Variants in DRC11 observed in about 807,000 individuals in gnomAD.
DRC11 encodes dynein regulatory complex subunit 11.
chr2:236,428,431 T>C, the DRC11 span, among the ~76,000 whole-genome samples: 6 of 152,210 alleles, frequency 3.9e-5, no homozygotes, highest in African/African-American at 1.4e-4. Context: ...TTGGTACATA[T>C]ATATTTGCAA....
At chr2:236,478,797 G>GT in the DRC11 span, among the ~76,000 whole-genome samples, 1 of 147,896 alleles carries the variant, frequency 6.8e-6, no homozygotes, top group Admixed American at 6.7e-5. This position sits in a 1 kb window ranked among gnomAD's most constrained non-coding sequence, Gnocchi z 5.9. Flanking sequence ...GCCTTTTTGG[G>GT]TTCTTTTTTT....
the DRC11 span, among the ~76,000 whole-genome samples, chr2:236,344,272 G>A: frequency 6.6e-6 from 1 of 152,186 alleles, no homozygotes; most frequent in Non-Finnish European, 1.5e-5. Context: ...CTTTAACTGA[G>A]CAGAGTTCTC....
chr2:236,409,193 C>G, the DRC11 span: 1 of 227,582 alleles, frequency 4.4e-6, no homozygotes, highest in Non-Finnish European at 8.5e-6. Flanking sequence ...TGCAGCCTTC[C>G]TCCCAGGCTC....
the DRC11 span, among the ~76,000 whole-genome samples, chr2:236,369,958 C>A: frequency 6.6e-6 from 1 of 152,148 alleles, no homozygotes; most frequent in Non-Finnish European, 1.5e-5. This position sits in a 1 kb window ranked among gnomAD's most constrained non-coding sequence, Gnocchi z 4.5. Flanking sequence ...AGCGGCTGCA[C>A]GACAGGTGGA....
chr2:236,465,902 A>G, the DRC11 span, among the ~76,000 whole-genome samples: 3 of 152,242 alleles, frequency 2.0e-5, no homozygotes, highest in Admixed American at 1.3e-4. The surrounding 1 kb of genome is among the most constrained non-coding windows in gnomAD (Gnocchi z 6.2). Flanking sequence ...AGTCCCTGAC[A>G]TAATGCTTTA....
the DRC11 span, among the ~76,000 whole-genome samples, chr2:236,355,991 C>G: frequency 6.6e-6 from 1 of 152,282 alleles, no homozygotes; most frequent in South Asian, 2.1e-4. Flanking sequence ...CACAGAGGAG[C>G]CGGGTGGATG....
At chr2:236,324,353 G>A in the DRC11 span, 1 of 262,388 alleles carries the variant, frequency 3.8e-6, no homozygotes, top group South Asian at 5.6e-5. This position sits in a 1 kb window ranked among gnomAD's most constrained non-coding sequence, Gnocchi z 5.7. Flanking sequence ...TAGTACTGAT[G>A]AGAGGAAGAG....
At chr2:236,331,082 A>G in the DRC11 span, among the ~76,000 whole-genome samples, 2 of 152,236 alleles carry the variant, frequency 1.3e-5, no homozygotes, top group Non-Finnish European at 1.5e-5. This position sits in a 1 kb window ranked among gnomAD's most constrained non-coding sequence, Gnocchi z 4.8. Context: ...CCAAATAAGT[A>G]TATGTGTCTA....
the DRC11 span, among the ~76,000 whole-genome samples, chr2:236,374,051 A>G: frequency 1.2e-4 from 18 of 152,128 alleles, no homozygotes; most frequent in South Asian, 3.7e-3. Context: ...AACCCCTCCT[A>G]GTTTCAGCTT....
the DRC11 span, among the ~76,000 whole-genome samples, chr2:236,417,794 G>T: frequency 3.3e-5 from 5 of 149,746 alleles, no homozygotes; most frequent in Admixed American, 1.3e-4. Flanking sequence ...TGTTCTCATT[G>T]TTCAACTCCC....
At chr2:236,496,920 ACCACAG>A in the DRC11 span, among the ~76,000 whole-genome samples, 1 of 152,154 alleles carries the variant, frequency 6.6e-6, no homozygotes, top group Non-Finnish European at 1.5e-5. This position sits in a 1 kb window ranked among gnomAD's most constrained non-coding sequence, Gnocchi z 6.3. Context: ...GTCAGGTAAG[ACCACAG>A]CCACGACAGT....
chr2:236,409,063 C>G, the DRC11 span: 1 of 560,658 alleles, frequency 1.8e-6, no homozygotes, highest in Non-Finnish European at 3.2e-6. Context: ...GAGTGGAGGA[C>G]TTCTTGTGAG....
At chr2:236,343,704 A>T in the DRC11 span, 1 of 1,303,280 alleles carries the variant, frequency 7.7e-7, no homozygotes, top group Non-Finnish European at 1.0e-6. The surrounding 1 kb of genome is among the most constrained non-coding windows in gnomAD (Gnocchi z 6.6). Context: ...TTGCATACCT[A>T]CTTGTGGACC....
the DRC11 span, among the ~76,000 whole-genome samples, chr2:236,386,399 A>T: frequency 6.6e-6 from 1 of 152,144 alleles, no homozygotes; most frequent in African/African-American, 2.4e-5. Flanking sequence ...GGGAGAATGT[A>T]TGTGTCCAGG....
chr2:236,325,140 A>G, the DRC11 span, among the ~76,000 whole-genome samples: 2 of 152,198 alleles, frequency 1.3e-5, no homozygotes, highest in African/African-American at 4.8e-5. The surrounding 1 kb of genome is among the most constrained non-coding windows in gnomAD (Gnocchi z 4.4). Context: ...GGCCATGTTC[A>G]GTAAACAATG....
At chr2:236,448,975 T>A in the DRC11 span, among the ~76,000 whole-genome samples, 12 of 152,192 alleles carry the variant, frequency 7.9e-5, no homozygotes, top group African/African-American at 1.2e-4. The surrounding 1 kb of genome is among the most constrained non-coding windows in gnomAD (Gnocchi z 5.3). Context: ...TTCTCCTACC[T>A]CAGCCTCGCG....
At chr2:236,342,206 C>T in the DRC11 span, among the ~76,000 whole-genome samples, 2 of 152,194 alleles carry the variant, frequency 1.3e-5, no homozygotes, top group Non-Finnish European at 2.9e-5. This position sits in a 1 kb window ranked among gnomAD's most constrained non-coding sequence, Gnocchi z 5.8. Flanking sequence ...GTATGGCACC[C>T]GTAGCTGGTG....
chr2:236,395,804 C>A, the DRC11 span, among the ~76,000 whole-genome samples: 1 of 152,126 alleles, frequency 6.6e-6, no homozygotes, highest in Admixed American at 6.5e-5. Context: ...GCAGCACCTA[C>A]CTGTTACATC....
At chr2:236,501,255 T>C in the DRC11 span, among the ~76,000 whole-genome samples, 8 of 152,170 alleles carry the variant, frequency 5.3e-5, no homozygotes, top group Non-Finnish European at 1.0e-4. Flanking sequence ...TCCACCTCCG[T>C]GATCCAATCA....
Sources: allele counts gnomAD v4.1 joint callset (sites outside exome capture counted in the v4.1 genomes callset), GRCh38; gene constraint gnomAD v4.1.1; non-coding constraint Gnocchi (gnomAD v3.1); transcripts MANE v1.5; gene names NCBI Gene and HGNC (gene_info 2026-07-23, HGNC 2026-07-21).